Variants in CCND3 observed in about 807,000 individuals in gnomAD.
The protein encoded by CCND3 is G1/S-specific cyclin-D3.
A neutral mutation model predicts 28.7 loss-of-function variants in CCND3; 9 were observed. That is an observed-to-expected ratio of 0.31 (90% CI 0.19 to 0.55). The LOEUF (loss-of-function observed/expected upper bound fraction) is 0.55. Ranked by LOEUF, CCND3 falls within the 20% of genes least tolerant of loss-of-function variation. CCND3 has a pLI of 0.93. For missense variants in CCND3, 315 were observed against 385.8 expected (o/e 0.82, Z 1.54); for synonymous variants, 164 against 163.9 (o/e 1.00, Z 0.00).
rs181019610 is a variant in CCND3 at position 41,989,262 on chromosome 6, C to T, written c.-45-48677G>A. The stretch of plus-strand genomic sequence containing the variant: ...TCACCTGAGGTAAGGAGTTCGAGAT[C>T]GGCCTGGCCAACATGGTGAAACCCC... On this transcript the variant is annotated intron_variant, in intron 1 of 4. Coordinates refer to the CCND3 transcript ENST00000372988. 6.6e-5 allele frequency among the ~76,000 whole-genome samples: 10 copies of T among 151,904 alleles called. No individual in the cohort carries two copies. In the East Asian group the frequency reaches 1.7e-3, roughly 27 times the overall value.
At chr6:42,000,975 G>A (rs1215716987) in intron 1 of CCND3, among the ~76,000 whole-genome samples, 3 of 151,450 alleles carry the variant, frequency 2.0e-5, no homozygotes, top group South Asian at 2.1e-4. Context: ...GGTGGCTCAC[G>A]CCTGTATCCC....
At chr6:41,948,538 G>A (rs1776225807) in intron 1 of CCND3, among the ~76,000 whole-genome samples, 1 of 151,966 alleles carries the variant, frequency 6.6e-6, no homozygotes, top group African/African-American at 2.4e-5. Flanking sequence ...AAAACAAACT[G>A]GATATAAGAA....
chr6:41,958,661 C>T (rs1014674401), intron 1 of CCND3, among the ~76,000 whole-genome samples: 10 of 152,036 alleles, frequency 6.6e-5, no homozygotes, highest in South Asian at 2.1e-4. Flanking sequence ...GGGGCTTTGA[C>T]TCATCATGTG....
At chr6:41,992,661 C>T (rs567049151) in intron 1 of CCND3, among the ~76,000 whole-genome samples, 19 of 152,012 alleles carry the variant, frequency 1.2e-4, no homozygotes, top group Non-Finnish European at 2.5e-4. Flanking sequence ...GTTGGCCAGG[C>T]TGGTCTCGAA....
rs1775738391 is a variant in CCND3 at position 41,935,406 on chromosome 6, C to G, written c.*534G>C. 1 of 244,598 alleles carries G rather than the reference C, an allele frequency of 4.1e-6. No homozygotes were observed. Among genetic ancestry groups the G allele is most frequent in the East Asian group, 5.9e-5 (1 of 16,820 alleles). The allele number at this position is 244,598 out of a possible 1,614,324, so 15.2% of individuals were successfully genotyped here. On this transcript the variant is annotated 3_prime_UTR_variant, in exon 5 of 5. Coordinates refer to ENST00000372991, the MANE Select transcript of CCND3 (RefSeq NM_001760.5). The stretch of plus-strand genomic sequence containing the variant: ...ATAGCTTCTCTGGCTGAGGCCTAGG[C>G]CCCTCCCTCTAGGAGCAGCTGTCAG...
At chr6:42,040,289 GA>G (rs780561326) in intron 1 of CCND3, among the ~76,000 whole-genome samples, 12 of 152,040 alleles carry the variant, frequency 7.9e-5, no homozygotes, top group Non-Finnish European at 1.3e-4. Context: ...ATGGTGGTGG[GA>G]GCCTGTAATC....
intron 1 of CCND3, among the ~76,000 whole-genome samples, chr6:42,045,414 G>C (rs1011252532): frequency 2.0e-5 from 3 of 152,204 alleles, no homozygotes; most frequent in African/African-American, 7.2e-5. Flanking sequence ...TTACTACCTA[G>C]AGTTGTGGTG....
intron 1 of CCND3, among the ~76,000 whole-genome samples, chr6:42,028,986 T>C (rs77040095): frequency 5.4e-5 from 8 of 149,520 alleles, no homozygotes; most frequent in Non-Finnish European, 1.0e-4. Context: ...TTTTTTTTTT[T>C]CCTAAGAGAC....
intron 1 of CCND3, among the ~76,000 whole-genome samples, chr6:42,020,481 C>T (rs1186549353): frequency 6.6e-6 from 1 of 152,134 alleles, no homozygotes; most frequent in African/African-American, 2.4e-5. Context: ...ATCCACATGC[C>T]CTCCCCAGAT....
intron 1 of CCND3, among the ~76,000 whole-genome samples, chr6:42,028,072 T>C (rs138289123): frequency 6.6e-6 from 1 of 152,196 alleles, no homozygotes; most frequent in Non-Finnish European, 1.5e-5. Flanking sequence ...GGGGTAAAAA[T>C]TGCTTACAGG....
At chr6:41,954,248 C>CT (rs1561959228) in intron 1 of CCND3, among the ~76,000 whole-genome samples, 13 of 11,020 alleles carry the variant, frequency 1.2e-3, no homozygotes, top group African/African-American at 3.7e-3. Flanking sequence ...AAGATTCTGC[C>CT]TTAAAAAAAA....
intron 1 of CCND3, among the ~76,000 whole-genome samples, chr6:42,023,367 T>C (rs79211824): frequency 0.015 from 2,337 of 152,342 alleles, 56 homozygotes; most frequent in African/African-American, 0.052. Context: ...CAGGTTTGTT[T>C]GGGCATGAAG....
In CCND3 at chr6:42,031,813, C is replaced by CTT. The variant is rs35518846; in HGVS notation, c.-46+16686_-46+16687dup. 1.1e-3 allele frequency among the ~76,000 whole-genome samples: 145 copies of CTT among 128,880 alleles called. 2 individuals carry two copies. The highest frequency in any genetic ancestry group is 3.0e-3 in the African/African-American group (103 of 34,196). 84.6% of individuals were successfully genotyped at this position (128,880 alleles called of 152,430 possible). A position where few individuals can be genotyped will look rare whatever the true frequency, so the allele number is the denominator to read the frequency against. Reference sequence around the variant, plus strand: ...TACCACATATATTTTGCAACTGACTCTTTTTTTTTTTTTTTTTTTGAGACA... The same window carrying CTT: ...TACCACATATATTTTGCAACTGACTCTTTTTTTTTTTTTTTTTTTTTGAGACA... On this transcript the variant is annotated intron_variant, in intron 1 of 4. Coordinates refer to the CCND3 transcript ENST00000372988.
At chr6:42,001,379 A>C (rs1763006405) in intron 1 of CCND3, among the ~76,000 whole-genome samples, 1 of 152,202 alleles carries the variant, frequency 6.6e-6, no homozygotes, top group African/African-American at 2.4e-5. Context: ...GAGAATGGAT[A>C]AACAAATAGT....
At chr6:41,956,892 G>T (rs562670785) in intron 1 of CCND3, among the ~76,000 whole-genome samples, 2 of 152,080 alleles carry the variant, frequency 1.3e-5, no homozygotes, top group Admixed American at 6.6e-5. Context: ...TTAGCCGGGC[G>T]TGGTGGCAGG....
chr6:41,940,984 C>T (rs764977634), intron 1 of CCND3: 2 of 1,613,010 alleles, frequency 1.2e-6, no homozygotes, highest in South Asian at 2.2e-5. Context: ...CTGCCGCTGC[C>T]TCCTGCACTT....
chr6:42,006,000 CAA>C (rs374179259), intron 1 of CCND3, among the ~76,000 whole-genome samples: 1 of 149,640 alleles, frequency 6.7e-6, no homozygotes. Flanking sequence ...CATTTCTACA[CAA>C]AAAATTTTTT....
chr6:41,948,144 T>A (rs1023433131), intron 1 of CCND3, among the ~76,000 whole-genome samples: 3 of 152,076 alleles, frequency 2.0e-5, no homozygotes, highest in African/African-American at 4.8e-5. Flanking sequence ...CCTACCTAAA[T>A]TTTTAATGCC....
upstream of CCND3, among the ~76,000 whole-genome samples, chr6:41,942,872 C>CTT (rs60884050): frequency 0.018 from 1,503 of 82,560 alleles, 6 homozygotes; most frequent in East Asian, 0.022. Context: ...GTTAATTATT[C>CTT]TTTTTTTTTT....
Sources: gnomAD v4.1 joint callset for allele counts (sites outside exome capture counted in the v4.1 genomes callset) on GRCh38, gnomAD v4.1.1 for gene constraint, MANE v1.5 for transcripts, NCBI Gene and HGNC (gene_info 2026-07-23, HGNC 2026-07-21) for gene names.